The following KLHL13 variants were observed in gnomAD, a reference collection of about 807,000 sequenced individuals.
KLHL13 encodes the protein kelch-like protein 13.
KLHL13 carries 10 observed loss-of-function variants against 37.1 expected under a neutral mutation model. The observed-to-expected ratio is 0.27, with a 90% confidence interval of 0.17 to 0.46. KLHL13 has a LOEUF of 0.46. Among genes scored for constraint, KLHL13 ranks in the 20% least tolerant of loss-of-function variants. The pLI is 1.00. For synonymous variants in KLHL13, 163 were observed against 181.2 expected, an observed-to-expected ratio of 0.90 and a Z score of 0.81; for missense variants, 360 against 509.3, an observed-to-expected ratio of 0.71 and a Z score of 2.82.
intron 1 of KLHL13, among the ~76,000 whole-genome samples, chrX:117,996,915 T>TA (rs1240326111): frequency 9.0e-6 from 1 of 110,728 alleles, no homozygotes; most frequent in Non-Finnish European, 1.9e-5. Context: ...TGCAAAAAGA[T>TA]AAAGTATGGA....
At chrX:117,998,375 G>C (rs1046302029) in intron 1 of KLHL13, among the ~76,000 whole-genome samples, 1 of 111,706 alleles carries the variant, frequency 9.0e-6, no homozygotes, top group Non-Finnish European at 1.9e-5. Context: ...ATAGTAATTT[G>C]AACAGGGAGA....
intron 1 of KLHL13, among the ~76,000 whole-genome samples, chrX:118,013,182 G>C (rs2054089804): frequency 8.9e-6 from 1 of 111,842 alleles, no homozygotes; most frequent in Non-Finnish European, 1.9e-5. Flanking sequence ...AAATAAAGAA[G>C]GAAAATATCT....
At chrX:118,053,332 C>A (rs1017985819) in intron 1 of KLHL13, among the ~76,000 whole-genome samples, 31 of 111,840 alleles carry the variant, frequency 2.8e-4, no homozygotes, top group Non-Finnish European at 3.9e-4. Flanking sequence ...GAGTTCATGT[C>A]CTTTGTAGGA....
At chrX:117,978,245 C>T (rs1285110444), upstream of KLHL13, among the ~76,000 whole-genome samples, 3 of 112,126 alleles carry the variant, frequency 2.7e-5, no homozygotes, top group Non-Finnish European at 5.6e-5. Flanking sequence ...ACAATACAAA[C>T]AATGTTATGC....
At chrX:117,951,807 A>C (rs971484342) in intron 1 of KLHL13, among the ~76,000 whole-genome samples, 1 of 112,444 alleles carries the variant, frequency 8.9e-6, no homozygotes, top group Non-Finnish European at 1.9e-5. Context: ...ACATTCTAGT[A>C]TCCTATTTAA....
chrX:117,978,087 G>A (rs1335093537), upstream of KLHL13, among the ~76,000 whole-genome samples: 5 of 112,191 alleles, frequency 4.5e-5, no homozygotes, highest in African/African-American at 6.5e-5. Context: ...ACATTGGAAA[G>A]TTTTACATTA....
intron 1 of KLHL13, among the ~76,000 whole-genome samples, chrX:117,998,059 T>C (rs2053876064): frequency 9.2e-6 from 1 of 108,233 alleles, no homozygotes; most frequent in Non-Finnish European, 1.9e-5. Flanking sequence ...AATGCTGGGG[T>C]TGGAAACTAA....
intron 1 of KLHL13, among the ~76,000 whole-genome samples, chrX:117,964,598 T>C (rs1212468440): frequency 1.0e-5 from 1 of 95,789 alleles, no homozygotes; most frequent in Admixed American, 1.0e-4. Context: ...GAGCACTTTC[T>C]TTTTTTTATT....
Position 118,049,004 on chromosome X carries a change from T to A in KLHL13, c.-56+67504A>T, listed in dbSNP as rs371227704. On this transcript the variant is annotated intron_variant, in intron 1 of 6. Coordinates refer to the KLHL13 transcript ENST00000371882. ...ATATTTCTCAAGCACCTATCTTAGA[T>A]AATATTTCAAATAAAGATTCCAGTT... 1.1e-4 allele frequency among the ~76,000 whole-genome samples: 12 copies of A among 112,178 alleles called. No homozygotes were observed. The East Asian group carries it at 2.8e-3, about 26-fold the overall frequency.
intron 1 of KLHL13, among the ~76,000 whole-genome samples, chrX:118,018,785 G>T (rs984670780): frequency 4.5e-5 from 5 of 111,096 alleles, no homozygotes. Context: ...TCTAAATGGC[G>T]ATTTCTGATA....
chrX:117,940,243 GA>G (rs1932948372), intron 2 of KLHL13, among the ~76,000 whole-genome samples: 1 of 111,776 alleles, frequency 8.9e-6, no homozygotes, highest in Admixed American at 9.5e-5. Flanking sequence ...GCAAAGATCA[GA>G]TGGTTGTAGA....
intron 1 of KLHL13, among the ~76,000 whole-genome samples, chrX:117,987,079 T>C (rs1403920478): frequency 9.0e-6 from 1 of 111,338 alleles, no homozygotes; most frequent in Non-Finnish European, 1.9e-5. Flanking sequence ...AACTCTAAAG[T>C]ACTATGCAAC....
exon 7 of KLHL13, chrX:117,898,009 A>G (rs1240200483): frequency 3.6e-5 from 4 of 111,814 alleles, no homozygotes; most frequent in Non-Finnish European, 7.5e-5. Context: ...TGAAGATAAA[A>G]TCTGGTCAAG....
At chrX:118,030,605 T>C (rs144386308) in intron 1 of KLHL13, among the ~76,000 whole-genome samples, 6,182 of 111,918 alleles carry the variant, frequency 0.055, 411 homozygotes, top group African/African-American at 0.19. Flanking sequence ...GGAGGTGGGG[T>C]CTAACAGGAG....
At chrX:118,099,989 T>C (rs999631784) in intron 1 of KLHL13, among the ~76,000 whole-genome samples, 4 of 111,107 alleles carry the variant, frequency 3.6e-5, no homozygotes, top group Admixed American at 9.5e-5. Flanking sequence ...CTATACTATT[T>C]ATATAACAAA....
At chrX:117,946,823 A>C (rs1310668083) in intron 1 of KLHL13, 1 of 112,160 alleles carries the variant, frequency 8.9e-6, no homozygotes, top group South Asian at 3.7e-4. Context: ...AGTTTTAACA[A>C]GAAAAAGACC....
intron 1 of KLHL13, among the ~76,000 whole-genome samples, chrX:118,086,796 C>T (rs1031142313): frequency 9.1e-6 from 1 of 110,451 alleles, no homozygotes; most frequent in Non-Finnish European, 1.9e-5. Context: ...AAATGTTTTG[C>T]CATGTGTGTT....
chrX:118,035,477 A>G (rs1250626280), intron 1 of KLHL13, among the ~76,000 whole-genome samples: 5 of 109,214 alleles, frequency 4.6e-5, no homozygotes, highest in East Asian at 2.8e-4. Flanking sequence ...TATAAACAGA[A>G]CCAAAGACAA....
rs189912618 is a variant in KLHL13 at position 118,086,973 on chromosome X, G to A, written c.-56+29535C>T. 3.0e-4 allele frequency among the ~76,000 whole-genome samples: 33 copies of A among 110,440 alleles called. No homozygotes were observed. In the East Asian group the frequency reaches 8.7e-3, roughly 29 times the overall value. ...TAACCTTAACAAATAAGGATGTTAC[G>A]CTACAAAAAAAAACTATTATTTTTT... On this transcript the variant is annotated intron_variant, in intron 1 of 6. Coordinates refer to the KLHL13 transcript ENST00000371882.
Sources: gnomAD v4.1 joint callset for allele counts (sites outside exome capture counted in the v4.1 genomes callset) on GRCh38, gnomAD v4.1.1 for gene constraint, MANE v1.5 for transcripts, NCBI Gene and HGNC (gene_info 2026-07-23, HGNC 2026-07-21) for gene names.